Variants in CHODL observed in about 807,000 individuals in gnomAD.
CHODL encodes the protein chondrolectin, also known as transmembrane protein MT75.
CHODL carries 29 observed loss-of-function variants against 34.5 expected under a neutral mutation model. That is an observed-to-expected ratio of 0.84 (90% CI 0.63 to 1.15). The LOEUF is 1.15. CHODL is among the 50% of genes most tolerant of loss of function. The pLI, the probability that CHODL is intolerant of heterozygous loss-of-function variation, is 0.00. For synonymous variants in CHODL, 125 were observed against 116.1 expected (o/e 1.08, Z -0.49); for missense variants, 332 against 332.5 (o/e 1.00, Z 0.01).
intron 2 of CHODL, among the ~76,000 whole-genome samples, chr21:18,145,399 T>C (rs1057360726): frequency 1.5e-5 from 2 of 130,600 alleles, no homozygotes; most frequent in African/African-American, 6.2e-5. Context: ...ATCGCGCCAC[T>C]GCACTCCAGC....
intron 1 of CHODL, among the ~76,000 whole-genome samples, chr21:18,014,318 TC>T (rs2064050180): frequency 6.6e-6 from 1 of 152,182 alleles, no homozygotes; most frequent in Admixed American, 6.5e-5. Context: ...TGAAATCATG[TC>T]CTTCACAGCA....
chr21:17,997,590 T>G (rs1049203659), intron 1 of CHODL, among the ~76,000 whole-genome samples: 10 of 152,180 alleles, frequency 6.6e-5, no homozygotes, highest in Non-Finnish European at 1.5e-4. Flanking sequence ...AAGGTTTAGT[T>G]GAACTTACAG....
At chr21:18,020,347 C>G (rs1276872789) in intron 1 of CHODL, among the ~76,000 whole-genome samples, 1 of 151,984 alleles carries the variant, frequency 6.6e-6, no homozygotes, top group Admixed American at 6.6e-5. Context: ...AAAAAGATAC[C>G]TGTAAAATGA....
Position 18,109,136 on chromosome 21 carries a change from T to C in CHODL, c.-45+81165T>C, listed in dbSNP as rs114251783. ...TAAGCCTTAACAATTTAAATAAAGT[T>C]ATATGTGAATCTTGTGCAGTTGTAG... is the stretch of plus-strand genomic sequence containing the variant. On this transcript the variant is annotated intron_variant, in intron 2 of 6. Transcript: ENST00000400127. Among the ~76,000 whole-genome samples, 1,398 of 152,288 alleles carry C rather than the reference T, an allele frequency of 9.2e-3. 27 individuals carry two copies. Among genetic ancestry groups the C allele is most frequent in the African/African-American group, 0.032 (1,335 of 41,574 alleles).
At chr21:18,218,596 C>G (rs1019436427) in intron 2 of CHODL, among the ~76,000 whole-genome samples, 1 of 152,212 alleles carries the variant, frequency 6.6e-6, no homozygotes, top group African/African-American at 2.4e-5. Context: ...CTCCTCATTA[C>G]TTATGCAAAT....
chr21:18,159,851 A>G (rs1386056954), intron 2 of CHODL, among the ~76,000 whole-genome samples: 3 of 152,040 alleles, frequency 2.0e-5, no homozygotes, highest in Non-Finnish European at 4.4e-5. Context: ...CTTTGAAGAC[A>G]GAGGAAGAGG....
At chr21:18,003,611 G>A (rs76046681) in intron 1 of CHODL, among the ~76,000 whole-genome samples, 4,687 of 152,166 alleles carry the variant, frequency 0.031, 99 homozygotes, top group Non-Finnish European at 0.051. Context: ...CTTTAATTCT[G>A]CCTTGTGGAA....
At chr21:18,102,994 AT>A (rs2065233311) in intron 2 of CHODL, among the ~76,000 whole-genome samples, 1 of 152,202 alleles carries the variant, frequency 6.6e-6, no homozygotes. Flanking sequence ...CCAAAGATAG[AT>A]TATTTTGTCT....
chr21:18,072,101 A>T (rs2064812509), intron 2 of CHODL, among the ~76,000 whole-genome samples: 1 of 152,094 alleles, frequency 6.6e-6, no homozygotes, highest in South Asian at 2.1e-4. Context: ...AAAAATATAT[A>T]ATTCTGATTA....
chr21:17,964,574 A>G (rs988928298), intron 1 of CHODL, among the ~76,000 whole-genome samples: 3 of 152,182 alleles, frequency 2.0e-5, no homozygotes, highest in African/African-American at 7.2e-5. Context: ...TGGTTCCAGT[A>G]TATTTCAGTA....
At chr21:18,095,083 C>T (rs2146535190) in intron 2 of CHODL, among the ~76,000 whole-genome samples, 1 of 151,178 alleles carries the variant, frequency 6.6e-6, no homozygotes, top group Admixed American at 6.6e-5. Flanking sequence ...AAGATCACAC[C>T]ACTGCACTCT....
At chr21:17,964,603 G>A (rs536224285) in intron 1 of CHODL, among the ~76,000 whole-genome samples, 1 of 152,264 alleles carries the variant, frequency 6.6e-6, no homozygotes, top group East Asian at 1.9e-4. Flanking sequence ...AGAAAGGTTT[G>A]TTTTGAATCT....
At chr21:18,102,431 T>A (rs542972224) in intron 2 of CHODL, among the ~76,000 whole-genome samples, 59 of 152,296 alleles carry the variant, frequency 3.9e-4, no homozygotes, top group African/African-American at 1.3e-3. Flanking sequence ...TACATCAACA[T>A]CATGAGGCAG....
In CHODL at chr21:18,099,609, A is replaced by G. The variant is rs546202345; in HGVS notation, c.-45+71638A>G. 2.0e-5 allele frequency among the ~76,000 whole-genome samples: 3 copies of G among 152,180 alleles called. No homozygotes were observed. The South Asian group carries it at 6.2e-4, about 32-fold the overall frequency. ...CAATAAAGAGATCAAAATCAGTTGG[A>G]ATCAGAACTTTACCCATAATGCTGA... On this transcript the variant is annotated intron_variant, in intron 2 of 6. Transcript: ENST00000400127.
intron 2 of CHODL, among the ~76,000 whole-genome samples, chr21:18,067,840 G>A (rs543516193): frequency 1.1e-4 from 17 of 152,140 alleles, no homozygotes; most frequent in Non-Finnish European, 2.1e-4. Context: ...ATATTATCAC[G>A]CAACAGTCTA....
At chr21:18,008,304 T>G (rs1418637555) in intron 1 of CHODL, among the ~76,000 whole-genome samples, 1 of 98,872 alleles carries the variant, frequency 1.0e-5, no homozygotes, top group East Asian at 2.2e-4. Context: ...CTCCAAAAAT[T>G]TCTTTGTTTG....
At chr21:17,969,817 G>A (rs889538658) in intron 1 of CHODL, among the ~76,000 whole-genome samples, 1 of 152,162 alleles carries the variant, frequency 6.6e-6, no homozygotes, top group Admixed American at 6.5e-5. Context: ...AGGTGTATAT[G>A]ACTTTAAGGC....
chr21:18,235,989 T>G (rs887256540), intron 2 of CHODL, among the ~76,000 whole-genome samples: 3 of 152,178 alleles, frequency 2.0e-5, no homozygotes, highest in African/African-American at 7.2e-5. Context: ...TCCTCCTTTT[T>G]GTTCTGAATC....
intron 1 of CHODL, among the ~76,000 whole-genome samples, chr21:17,965,598 T>C (rs147349372): frequency 3.8e-3 from 585 of 152,288 alleles, no homozygotes; most frequent in Non-Finnish European, 6.7e-3. Context: ...GTGTTTATAC[T>C]CTTATAATGC....
Sources: allele counts gnomAD v4.1 joint callset (sites outside exome capture counted in the v4.1 genomes callset), GRCh38; gene constraint gnomAD v4.1.1; transcripts MANE v1.5; gene names NCBI Gene and HGNC (gene_info 2026-07-23, HGNC 2026-07-21).